The following DNAJB14 variants were observed in gnomAD, a reference collection of about 807,000 sequenced individuals.
DNAJB14 encodes the protein dnaJ homolog subfamily B member 14.
In DNAJB14, 22 loss-of-function variants were observed where a neutral mutation model predicts 48.4. The ratio of observed to expected loss-of-function variants is 0.45; its 90% CI spans 0.32 to 0.65. The LOEUF is 0.65. Among genes scored for constraint, DNAJB14 ranks in the 30% least tolerant of loss-of-function variants. The probability of loss-of-function intolerance (pLI) is 0.03; values close to 1 mark genes in which losing one functional copy is unlikely to be tolerated. For synonymous variants in DNAJB14, 142 were observed against 158.7 expected, an observed-to-expected ratio of 0.89 and a Z score of 0.79; for missense variants, 319 against 458.8, an observed-to-expected ratio of 0.70 and a Z score of 2.78.
At chr4:99,931,556 C>G (rs7686991) in intron 1 of DNAJB14, among the ~76,000 whole-genome samples, 1,701 of 152,066 alleles carry the variant, frequency 0.011, 38 homozygotes, top group African/African-American at 0.039. Context: ...CAATCAGTAA[C>G]TGATATAAGG....
intron 1 of DNAJB14, among the ~76,000 whole-genome samples, chr4:99,932,766 A>C (rs1726524532): frequency 6.6e-6 from 1 of 152,234 alleles, no homozygotes; most frequent in African/African-American, 2.4e-5. Flanking sequence ...ATGGATAATG[A>C]TATATCCAGA....
chr4:99,945,893 G>A (rs1294162065), intron 1 of DNAJB14, among the ~76,000 whole-genome samples: 1 of 152,230 alleles, frequency 6.6e-6, no homozygotes, highest in African/African-American at 2.4e-5. Flanking sequence ...CTTGCCGAAA[G>A]TGTGCTCTTC....
chr4:99,905,612 G>C lies in DNAJB14; in HGVS notation c.827C>G (p.Ser276Cys). The change falls in exon 6 of 8, where the codon TCC (serine) becomes TGC (cysteine). Residue 276 changes from serine to cysteine, a missense_variant. By Grantham distance (112) the Ser-to-Cys change is moderately radical. This residue lies in a region of DNAJB14 where 166 missense variants were observed against 236.3 expected (regional missense o/e 0.70). Transcript: ENST00000442697. ...SQLMVSNPPYSLYPRSGTGQT... is the reference protein window; with the variant it reads ...SQLMVSNPPYCLYPRSGTGQT... ...GGCTACTTACGATCTGGGATATAAG[G>C]AATAAGGAGGATTAGAGACCATCAA... is the stretch of plus-strand genomic sequence containing the variant. 6.2e-7 allele frequency: 1 copy of C among 1,610,380 alleles called. No individual in the cohort carries two copies. Among genetic ancestry groups the C allele is most frequent in the Non-Finnish European group, 8.5e-7 (1 of 1,178,550 alleles).
chr4:99,908,754 T>C lies in DNAJB14; in HGVS notation c.594A>G (p.Pro198=), dbSNP rs1725553813. Residue 198 remains proline (P), a synonymous_variant, in exon 4 of 8, where the codon CCA becomes CCG. Transcript: ENST00000442697. ...CAAAAAATATATTAAACAAGTCTTC[T>C]GGAGTTATATCAGCTTCACAACCTC... is the stretch of plus-strand genomic sequence containing the variant. ...FHRGCEADIT[P]EDLFNIFFGG... 1.2e-6 allele frequency: 2 copies of C among 1,608,202 alleles called. No homozygotes were observed. Among genetic ancestry groups the C allele is most frequent in the East Asian group, 4.5e-5 (2 of 44,604 alleles).
In DNAJB14 at chr4:99,931,677, C is replaced by T. The variant is rs539277903; in HGVS notation, c.134-1056G>A. 2.6e-4 allele frequency among the ~76,000 whole-genome samples: 39 copies of T among 151,782 alleles called. No individual in the cohort carries two copies. The South Asian group carries it at 5.6e-3, about 22-fold the overall frequency. ...CTAGTGAATATCTCTTTCTCACAGG[C>T]CCACATTATCGCTAGACCATAGAGT... On this transcript the variant is annotated intron_variant, in intron 1 of 7. Transcript: ENST00000442697.
chr4:99,921,895 C>A (rs912090193), intron 3 of DNAJB14, among the ~76,000 whole-genome samples: 17 of 152,080 alleles, frequency 1.1e-4, no homozygotes, highest in African/African-American at 3.9e-4. Context: ...AAAATGAAAG[C>A]TTTATCTTTG....
chr4:99,912,165 G>T (rs1229644532), intron 3 of DNAJB14, among the ~76,000 whole-genome samples: 4 of 152,140 alleles, frequency 2.6e-5, no homozygotes. Context: ...TTGCATCTTT[G>T]TCAAAAAACA....
At chr4:99,906,325 T>G (rs542341502) in intron 5 of DNAJB14, among the ~76,000 whole-genome samples, 192 bp downstream of exon 5, 2 of 152,248 alleles carry the variant, frequency 1.3e-5, no homozygotes, top group South Asian at 4.1e-4. Flanking sequence ...GGGGTCATAC[T>G]ATCCAACCAC....
chr4:99,913,145 CTTCT>C (rs2110200061), intron 3 of DNAJB14, among the ~76,000 whole-genome samples: 1 of 152,292 alleles, frequency 6.6e-6, no homozygotes, highest in Non-Finnish European at 1.5e-5. Context: ...AGTTTTAGCT[CTTCT>C]TTTCCAGTCT....
intron 1 of DNAJB14, among the ~76,000 whole-genome samples, chr4:99,940,412 G>C (rs1257271990): frequency 1.3e-5 from 2 of 152,030 alleles, no homozygotes; most frequent in East Asian, 3.9e-4. Context: ...GGTCAACATG[G>C]TGAAACCCCG....
At chr4:99,933,303 C>CTTTTTTT (rs759298582) in intron 1 of DNAJB14, among the ~76,000 whole-genome samples, 10 of 88,790 alleles carry the variant, frequency 1.1e-4, no homozygotes, top group Non-Finnish European at 1.7e-4. Flanking sequence ...CATAAACAGT[C>CTTTTTTT]TTTTTTTTTT....
At chr4:99,914,936 T>C (rs994591297) in intron 3 of DNAJB14, among the ~76,000 whole-genome samples, 1 of 152,216 alleles carries the variant, frequency 6.6e-6, no homozygotes, top group African/African-American at 2.4e-5. Flanking sequence ...CTTTCAATTT[T>C]ATTGATTTTT....
chr4:99,906,818 T>TAGA (rs1323803248), intron 4 of DNAJB14, among the ~76,000 whole-genome samples: 2 of 152,230 alleles, frequency 1.3e-5, no homozygotes, highest in African/African-American at 4.8e-5. Flanking sequence ...CCGTTACAGG[T>TAGA]AGAAGTTCCT....
intron 2 of DNAJB14, 67 bp downstream of exon 2, chr4:99,930,383 G>C (rs1726419711): frequency 6.9e-7 from 1 of 1,445,708 alleles, no homozygotes; most frequent in Admixed American, 2.4e-5. Context: ...CTTTTTTCAG[G>C]TGTTATAACA....
intron 3 of DNAJB14, among the ~76,000 whole-genome samples, chr4:99,919,083 T>G (rs1003106906): frequency 5.9e-5 from 9 of 152,094 alleles, no homozygotes; most frequent in African/African-American, 1.9e-4. Context: ...CTACTCAGAC[T>G]TTGCTAGTGT....
chr4:99,938,535 G>A (rs1393703464), intron 1 of DNAJB14, among the ~76,000 whole-genome samples: 1 of 151,842 alleles, frequency 6.6e-6, no homozygotes, highest in African/African-American at 2.4e-5. Context: ...CTGTTAATTG[G>A]TTCCAGAAAA....
chr4:99,942,591 A>G (rs1726925699), intron 1 of DNAJB14: 1 of 152,138 alleles, frequency 6.6e-6, no homozygotes. Context: ...TTAGAAGTCC[A>G]CTGCAATAAG....
Position 99,933,303 on chromosome 4 carries a change from C to CTTT in DNAJB14, c.134-2685_134-2683dup, listed in dbSNP as rs759298582. ...TAATGAGAAATATAACATAAACAGT[C>CTTT]TTTTTTTTTTTTTTTTTTTTTTTGA... On this transcript the variant is annotated intron_variant, in intron 1 of 7. Transcript: ENST00000442697. Among the ~76,000 whole-genome samples, 693 of 88,740 alleles carry CTTT rather than the reference C, an allele frequency of 7.8e-3. 2 individuals carry two copies. The highest frequency in any genetic ancestry group is 9.3e-3 in the Middle Eastern group (1 of 108). 58.2% of individuals were successfully genotyped at this position (88,740 alleles called of 152,430 possible).
At chr4:99,914,122 A>G (rs929558750) in intron 3 of DNAJB14, among the ~76,000 whole-genome samples, 6 of 152,292 alleles carry the variant, frequency 3.9e-5, no homozygotes, top group Middle Eastern at 3.4e-3. Flanking sequence ...AGAACTTACT[A>G]CTGTGAGAAC....
Sources: allele counts gnomAD v4.1 joint callset (sites outside exome capture counted in the v4.1 genomes callset), GRCh38; gene constraint gnomAD v4.1.1; regional missense constraint gnomAD v4.1.1; transcripts MANE v1.5; gene names NCBI Gene and HGNC (gene_info 2026-07-23, HGNC 2026-07-21).